Variants in FRMPD4 observed in about 807,000 individuals in gnomAD.
FRMPD4 encodes the protein FERM and PDZ domain containing 4, also known as FERM and PDZ domain-containing protein 4.
A neutral mutation model predicts 94.1 loss-of-function variants in FRMPD4; 22 were observed. That is an observed-to-expected ratio of 0.23 (90% CI 0.17 to 0.33). The LOEUF (loss-of-function observed/expected upper bound fraction) is 0.33, where lower values mean the gene tolerates loss of function less well. Among genes scored for constraint, FRMPD4 ranks in the 10% least tolerant of loss-of-function variants. The probability of loss-of-function intolerance (pLI) is 1.00; values close to 1 mark genes in which losing one functional copy is unlikely to be tolerated. For missense variants in FRMPD4, 1,111 were observed against 1,339.9 expected, an observed-to-expected ratio of 0.83 and a Z score of 2.67; for synonymous variants, 631 against 548.6, an observed-to-expected ratio of 1.15 and a Z score of -2.10.
chrX:12,601,339 T>C (rs1331996186), intron 2 of FRMPD4, among the ~76,000 whole-genome samples: 1 of 111,878 alleles, frequency 8.9e-6, no homozygotes, highest in African/African-American at 3.3e-5. Context: ...AAACACACGA[T>C]GTGCAGTTAT....
intron 3 of FRMPD4, among the ~76,000 whole-genome samples, chrX:11,927,734 T>A (rs1227934150): frequency 8.9e-6 from 1 of 112,125 alleles, no homozygotes; most frequent in Non-Finnish European, 1.9e-5. Context: ...ATATACCATA[T>A]ACAAAAATTA....
In FRMPD4 at chrX:12,258,014, G is replaced by A. The variant is rs912874572; in HGVS notation, c.41+119002G>A. Reference sequence around the variant, plus strand: ...AGTCTAGATTCCCTCTCATCCTGAAGGTACTCTTCCTTTCATTTTTTATTC... The same window carrying A: ...AGTCTAGATTCCCTCTCATCCTGAAAGTACTCTTCCTTTCATTTTTTATTC... On this transcript the variant is annotated intron_variant, in intron 1 of 16. Coordinates refer to ENST00000675598, the MANE Select transcript of FRMPD4 (RefSeq NM_001368397.1). Among the ~76,000 whole-genome samples, 4 of 109,602 alleles carry A rather than the reference G, an allele frequency of 3.6e-5. No homozygotes were observed. The East Asian group carries it at 1.1e-3, about 31-fold the overall frequency.
At chrX:12,367,089 C>T (rs1454104253) in intron 1 of FRMPD4, among the ~76,000 whole-genome samples, 2 of 112,147 alleles carry the variant, frequency 1.8e-5, no homozygotes, top group Non-Finnish European at 3.8e-5. Flanking sequence ...GTGGCTTGTA[C>T]TTGCCTGGGA....
chrX:12,701,856 C>A lies in FRMPD4; in HGVS notation c.934-18C>A, dbSNP rs1449984999. 21 of 1,208,559 alleles carry A rather than the reference C, an allele frequency of 1.7e-5. No individual in the cohort carries two copies. The highest frequency in any genetic ancestry group is 2.4e-5 in the Non-Finnish European group (21 of 893,557). ...CCTATTCTTTGACAAGCTGTGCCCC[C>A]TGCTGGTCTCTTCGCAGAGTTGTAA... On this transcript the variant is annotated intron_variant, in intron 9 of 16. Transcript: ENST00000675598.
At chrX:12,436,164 T>C (rs985768909) in intron 1 of FRMPD4, among the ~76,000 whole-genome samples, 4 of 110,333 alleles carry the variant, frequency 3.6e-5, no homozygotes, top group African/African-American at 1.3e-4. Flanking sequence ...CGCCATCACA[T>C]CTGGCTAATT....
At chrX:11,883,705 C>T (rs1216399021) in intron 3 of FRMPD4, among the ~76,000 whole-genome samples, 1 of 111,761 alleles carries the variant, frequency 8.9e-6, no homozygotes, top group East Asian at 2.8e-4. Context: ...TTGAATCTTC[C>T]AGTACGTATG....
chrX:11,879,886 AT>A (rs1370067038), intron 3 of FRMPD4, among the ~76,000 whole-genome samples: 2 of 111,985 alleles, frequency 1.8e-5, no homozygotes, highest in Non-Finnish European at 3.8e-5. Flanking sequence ...AAGGTCTATA[AT>A]TTTTAGTCTG....
intron 3 of FRMPD4, among the ~76,000 whole-genome samples, chrX:11,960,769 A>G (rs1487851459): frequency 1.8e-5 from 2 of 111,963 alleles, no homozygotes; most frequent in East Asian, 5.6e-4. Context: ...ACCTCCATGG[A>G]AGCAACCTGG....
intron 3 of FRMPD4, among the ~76,000 whole-genome samples, chrX:11,896,797 G>T (rs1023546060): frequency 4.5e-5 from 5 of 111,852 alleles, no homozygotes; most frequent in Admixed American, 1.9e-4. Flanking sequence ...ATTCCCCAAA[G>T]AATGTTTAAA....
intron 3 of FRMPD4, among the ~76,000 whole-genome samples, chrX:11,955,179 G>A (rs187806065): frequency 2.3e-4 from 26 of 110,932 alleles, no homozygotes; most frequent in African/African-American, 8.5e-4. Flanking sequence ...CCATTCACGA[G>A]GGCTGCACTC....
Position 12,638,762 on chromosome X carries a change from T to C in FRMPD4, c.422+23881T>C, listed in dbSNP as rs577770865. Among the ~76,000 whole-genome samples the C allele has an allele frequency of 5.9e-4, 66 of 111,369 alleles. No homozygotes were observed. In the South Asian group the frequency reaches 0.025, roughly 42 times the overall value. ...TGAACTAGTTTCTTTCTACTGCCAG[T>C]TAGTATTAATACCTATAAGGCAAGC... On this transcript the variant is annotated intron_variant, in intron 4 of 16. Coordinates refer to ENST00000675598, the MANE Select transcript of FRMPD4 (RefSeq NM_001368397.1).
In FRMPD4 at chrX:12,193,834, G is replaced by GA. The variant is rs1491294303; in HGVS notation, c.41+54822_41+54823insA. Among the ~76,000 whole-genome samples the GA allele has an allele frequency of 0.019, 632 of 32,894 alleles. 145 individuals are homozygous for GA. In the East Asian group the frequency reaches 0.29, roughly 15 times the overall value. The allele number at this position is 32,894 out of a possible 115,157, so 28.6% of individuals were successfully genotyped here. On this transcript the variant is annotated intron_variant, in intron 1 of 16. Coordinates refer to ENST00000675598, the MANE Select transcript of FRMPD4 (RefSeq NM_001368397.1). ...AGGAAGGAAGGAAGGAAGGAGGGAA[G>GA]GAAGAAAGAAAAGAAAGAAAAAGGA...
intron 14 of FRMPD4, among the ~76,000 whole-genome samples, chrX:12,714,419 G>T (rs1478074033): frequency 9.0e-6 from 1 of 111,204 alleles, no homozygotes; most frequent in East Asian, 2.8e-4. Context: ...CTCTGCCATT[G>T]AATTTAGGGC....
chrX:12,617,132 G>C (rs1219108469), intron 4 of FRMPD4, among the ~76,000 whole-genome samples: 2 of 112,171 alleles, frequency 1.8e-5, no homozygotes, highest in African/African-American at 6.5e-5. Context: ...ATAACAAAAT[G>C]AACCAGTTAA....
intron 3 of FRMPD4, among the ~76,000 whole-genome samples, chrX:11,889,671 T>G (rs1342999506): frequency 8.9e-6 from 1 of 112,204 alleles, no homozygotes; most frequent in African/African-American, 3.2e-5. Flanking sequence ...ATTTTGTGGA[T>G]GAGTTCAGCA....
At chrX:12,570,351 T>C (rs900067114) in intron 2 of FRMPD4, among the ~76,000 whole-genome samples, 27 of 111,799 alleles carry the variant, frequency 2.4e-4, no homozygotes, top group African/African-American at 8.5e-4. Context: ...TCTTGCTCTG[T>C]TGCCCAGGCA....
At chrX:12,103,404 C>T (rs971033585) in intron 3 of FRMPD4, among the ~76,000 whole-genome samples, 4 of 111,767 alleles carry the variant, frequency 3.6e-5, no homozygotes, top group African/African-American at 1.3e-4. Flanking sequence ...AATGGGCAGG[C>T]CATATTTGAG....
chrX:12,111,624 T>C (rs1339607235), intron 3 of FRMPD4, among the ~76,000 whole-genome samples: 4 of 111,007 alleles, frequency 3.6e-5, no homozygotes, highest in Non-Finnish European at 7.6e-5. Flanking sequence ...ACCATCAGAG[T>C]GAACAGGCAA....
intron 1 of FRMPD4, among the ~76,000 whole-genome samples, chrX:12,463,839 A>G (rs1307469899): frequency 9.1e-6 from 1 of 109,365 alleles, no homozygotes; most frequent in Non-Finnish European, 1.9e-5. Context: ...GTAGGTTAGA[A>G]GTAGGGACCT....
Sources: gnomAD v4.1 joint callset for allele counts (sites outside exome capture counted in the v4.1 genomes callset) on GRCh38, gnomAD v4.1.1 for gene constraint, MANE v1.5 for transcripts, NCBI Gene and HGNC (gene_info 2026-07-23, HGNC 2026-07-21) for gene names.